Variants in DAW1 observed in about 807,000 individuals in gnomAD.
DAW1 encodes the protein dynein assembly factor with WD repeat domains 1.
In DAW1, 47 loss-of-function variants were observed where a neutral mutation model predicts 56.5. The observed-to-expected ratio is 0.83, with a 90% CI of 0.66 to 1.06. DAW1 has a LOEUF of 1.06. DAW1 is among the 50% of genes least tolerant of loss of function. The pLI is 0.00. For missense variants in DAW1, 505 were observed against 499.3 expected (o/e 1.01, Z -0.11); for synonymous variants, 190 against 179.0 (o/e 1.06, Z -0.49).
At chr2:227,899,188 T>G (rs10165585) in intron 6 of DAW1, among the ~76,000 whole-genome samples, 99,913 of 151,388 alleles carry the variant, frequency 0.66, 33,286 homozygotes, top group East Asian at 0.82. Flanking sequence ...ACCTTAAATC[T>G]TTTTAATCAA....
intron 1 of DAW1, among the ~76,000 whole-genome samples, chr2:227,878,004 T>C (rs529434096): frequency 1.3e-5 from 2 of 152,384 alleles, no homozygotes; most frequent in South Asian, 2.1e-4. Context: ...AGTAGTCAGC[T>C]TGAAGACTTC....
rs779427136 is a variant in DAW1, at chr2:227,898,206, T to C, written c.465T>C (p.Phe155=). 33 of 1,574,490 alleles carry C rather than the reference T, an allele frequency of 2.1e-5. No homozygotes were observed. Among genetic ancestry groups the C allele is most frequent in the Non-Finnish European group, 2.8e-5 (32 of 1,157,758 alleles). Residue 155 remains phenylalanine, a synonymous_variant, in exon 6 of 13, where the codon TTT becomes TTC. Coordinates refer to ENST00000309931, the MANE Select transcript of DAW1 (RefSeq NM_178821.3). The part of the protein sequence containing the change: ...PYGDKIATGS[F]DKTCKLWSVE... The stretch of plus-strand genomic sequence containing the variant: ...GTGACAAAATCGCCACTGGGTCCTT[T>C]GATAAAACTTGTAAACTCTGGAGTG...
intron 1 of DAW1, among the ~76,000 whole-genome samples, chr2:227,884,884 C>T (rs1222785108): frequency 6.6e-6 from 1 of 152,142 alleles, no homozygotes; most frequent in Admixed American, 6.5e-5. Context: ...GATCCAACTG[C>T]CTGCTGGGGC....
intron 2 of DAW1, among the ~76,000 whole-genome samples, chr2:227,886,016 C>T (rs1490028645): frequency 7.0e-6 from 1 of 142,110 alleles, no homozygotes; most frequent in Non-Finnish European, 1.5e-5. Flanking sequence ...CTCTTGTTGC[C>T]CAGTCTGGAG....
In DAW1 at chr2:227,893,829, C is replaced by T. The variant is rs201277970; in HGVS notation, c.352C>T (p.Leu118Phe). The change falls in exon 5 of 13, where the codon CTC becomes TTC. Residue 118 changes from leucine to phenylalanine, a missense_variant. Transcript: ENST00000309931. Reference protein sequence around the residue: ...ITGSYDRTCKLWDTASGEELN... With the variant: ...ITGSYDRTCKFWDTASGEELN... Reference sequence around the variant, plus strand: ...AGGAAGCTATGATCGGACGTGCAAGCTCTGGGACACTGCGTCTGGAGAGGA... The same window carrying T: ...AGGAAGCTATGATCGGACGTGCAAGTTCTGGGACACTGCGTCTGGAGAGGA... The T allele has an allele frequency of 4.5e-5, 72 of 1,613,868 alleles. 1 individual carries two copies. Among genetic ancestry groups the T allele is most frequent in the East Asian group, 6.7e-5 (3 of 44,862 alleles).
At chr2:227,898,145 CT>C in intron 5 of DAW1, 36 bp from the exon 6 acceptor site, 9 of 1,422,758 alleles carry the variant, frequency 6.3e-6, no homozygotes, top group South Asian at 4.5e-5. Flanking sequence ...TATAATGTGT[CT>C]TTTTTTAAAT....
chr2:227,909,266 A>ATCTGTCTGTCTGTCTGTCTG (rs1258557710), intron 10 of DAW1, among the ~76,000 whole-genome samples: 1 of 142,038 alleles, frequency 7.0e-6, no homozygotes, highest in African/African-American at 2.6e-5. Context: ...CTATCTATCT[A>ATCTGTCTGTCTGTCTGTCTG]TCTATCTGTC....
At chr2:227,908,175 A>G (rs1024323014) in intron 10 of DAW1, among the ~76,000 whole-genome samples, 7 of 152,192 alleles carry the variant, frequency 4.6e-5, no homozygotes, top group African/African-American at 1.7e-4. Flanking sequence ...CTTATCGCCT[A>G]AGGATCATGT....
In DAW1 at chr2:227,887,840, C is replaced by T. The variant is rs1691167662; in HGVS notation, c.114-2016C>T. Reference sequence around the variant, plus strand: ...TTTATTTCTAGTTTTGTGCAAGAATCTGGAAGTATTGTGCCTGTAAAAACA... The same window carrying T: ...TTTATTTCTAGTTTTGTGCAAGAATTTGGAAGTATTGTGCCTGTAAAAACA... On this transcript the variant is annotated intron_variant, in intron 2 of 12. Transcript: ENST00000309931. 2 of 152,128 alleles carry T rather than the reference C, an allele frequency of 1.3e-5. 1 individual carries two copies. The allele number at this position is 152,128 out of a possible 1,614,324, so 9.4% of individuals were successfully genotyped here. A position where few individuals can be genotyped will look rare whatever the true frequency, so the allele number is the denominator to read the frequency against.
chr2:227,905,081 T>A, intron 8 of DAW1, 46 bp downstream of exon 8: 1 of 1,530,358 alleles, frequency 6.5e-7, no homozygotes, highest in Non-Finnish European at 8.9e-7. Flanking sequence ...ATCAGGGGGT[T>A]CAGAAAACCC....
In DAW1 at chr2:227,903,055, C is replaced by A; in HGVS notation, c.594C>A (p.Asp198Glu). Reference sequence around the variant, plus strand: ...CATTGGTGGCGACTGGAAGTATGGACACAACAGCCAAATTGTGGGACATTC... The same window carrying A: ...CATTGGTGGCGACTGGAAGTATGGAAACAACAGCCAAATTGTGGGACATTC... ...QSTLVATGSM[D>E]TTAKLWDIQN... is the part of the protein sequence containing the mutation. The change falls in exon 7 of 13, where the codon GAC becomes GAA. Residue 198 changes from aspartate to glutamate, a missense_variant. Transcript: ENST00000309931. 6.2e-7 allele frequency: 1 copy of A among 1,614,130 alleles called. No individual in the cohort carries two copies. Among genetic ancestry groups the A allele is most frequent in the Non-Finnish European group, 8.5e-7 (1 of 1,180,020 alleles).
At chr2:227,918,547 A>G (rs16824211) in intron 10 of DAW1, among the ~76,000 whole-genome samples, 12,627 of 152,080 alleles carry the variant, frequency 0.083, 797 homozygotes, top group East Asian at 0.28. Flanking sequence ...CTTGGAATAC[A>G]TTATTTCTTC....
rs544881647 is a variant in DAW1 at position 227,924,129 on chromosome 2, T to A, written c.*161T>A. On this transcript the variant is annotated 3_prime_UTR_variant, in exon 13 of 13. Coordinates refer to ENST00000309931, the MANE Select transcript of DAW1 (RefSeq NM_178821.3). The stretch of plus-strand genomic sequence containing the variant: ...ATTTCACAGATATGACCATTAAACA[T>A]GACAAAGTTATGCCACTCCAATATT... 3.7e-4 allele frequency: 305 copies of A among 827,872 alleles called. 6 individuals are homozygous for A. In the South Asian group the frequency reaches 4.8e-3, roughly 13 times the overall value. The allele number at this position is 827,872 out of a possible 1,614,324, so 51.3% of individuals were successfully genotyped here. A position where few individuals can be genotyped will look rare whatever the true frequency, so the allele number is the denominator to read the frequency against.
chr2:227,887,198 TA>T (rs1691151491), intron 2 of DAW1, among the ~76,000 whole-genome samples: 1 of 152,208 alleles, frequency 6.6e-6, no homozygotes, highest in South Asian at 2.1e-4. Flanking sequence ...GATATTTTTT[TA>T]AAATCAAAGA....
At chr2:227,886,816 C>T (rs1378511242) in intron 2 of DAW1, among the ~76,000 whole-genome samples, 1 of 152,026 alleles carries the variant, frequency 6.6e-6, no homozygotes, top group Non-Finnish European at 1.5e-5. Flanking sequence ...AACAAACATC[C>T]TACTTCAAGA....
At chr2:227,873,870 G>A (rs779992281) in intron 1 of DAW1, among the ~76,000 whole-genome samples, 2 of 151,996 alleles carry the variant, frequency 1.3e-5, no homozygotes, top group African/African-American at 2.4e-5. Context: ...TAGCAGAGAC[G>A]GGGTTTCACC....
chr2:227,889,567 A>G (rs78297530), intron 2 of DAW1: 11,839 of 224,294 alleles, frequency 0.053, 423 homozygotes, highest in Middle Eastern at 0.093. Flanking sequence ...TCAAACCACA[A>G]CACTAGGTGA....
intron 1 of DAW1, among the ~76,000 whole-genome samples, chr2:227,877,527 G>C (rs1335855282): frequency 6.6e-6 from 1 of 152,226 alleles, no homozygotes; most frequent in Non-Finnish European, 1.5e-5. Flanking sequence ...GTAATCATGA[G>C]AGGGATGAAC....
At chr2:227,897,750 A>C (rs1379695002) in intron 5 of DAW1, among the ~76,000 whole-genome samples, 1 of 152,198 alleles carries the variant, frequency 6.6e-6, no homozygotes, top group Non-Finnish European at 1.5e-5. Context: ...TCAAAACCTT[A>C]TTAACCATAT....
Sources: allele counts gnomAD v4.1 joint callset (sites outside exome capture counted in the v4.1 genomes callset), GRCh38; gene constraint gnomAD v4.1.1; transcripts MANE v1.5; gene names NCBI Gene and HGNC (gene_info 2026-07-23, HGNC 2026-07-21).